RBFOX1: variants seen among roughly 807,000 people sequenced by gnomAD.
RBFOX1 encodes RNA binding protein fox-1 homolog 1.
RBFOX1 carries 8 observed loss-of-function variants against 57.7 expected under a neutral mutation model. The ratio of observed to expected loss-of-function variants is 0.14; its 90% CI spans 0.08 to 0.25. The LOEUF (loss-of-function observed/expected upper bound fraction) is 0.25, where lower values mean the gene tolerates loss of function less well. RBFOX1 is among the 10% of genes least tolerant of loss of function. The pLI, the probability that RBFOX1 is intolerant of heterozygous loss-of-function variation, is 1.00. For missense variants in RBFOX1, 611 were observed against 548.5 expected (o/e 1.11, Z -1.14); for synonymous variants, 326 against 222.4 (o/e 1.47, Z -4.15).
At chr16:6,474,537 T>C (rs1276868198) in intron 2 of RBFOX1, among the ~76,000 whole-genome samples, 1 of 152,200 alleles carries the variant, frequency 6.6e-6, no homozygotes, top group Non-Finnish European at 1.5e-5. Flanking sequence ...TTAAATAAGC[T>C]TAGATTTAAA....
At chr16:6,386,509 T>C (rs1018804738) in intron 2 of RBFOX1, among the ~76,000 whole-genome samples, 1 of 152,154 alleles carries the variant, frequency 6.6e-6, no homozygotes, top group African/African-American at 2.4e-5. Context: ...CCAAACATGA[T>C]TCCTGCACCT....
chr16:7,626,578 G>C (rs1045894889), intron 10 of RBFOX1, among the ~76,000 whole-genome samples: 1 of 152,176 alleles, frequency 6.6e-6, no homozygotes, highest in African/African-American at 2.4e-5. Flanking sequence ...TACAGTCATC[G>C]ACAGTCCAGG....
intron 2 of RBFOX1, among the ~76,000 whole-genome samples, chr16:6,430,124 A>C (rs967364885): frequency 6.8e-6 from 1 of 147,608 alleles, no homozygotes; most frequent in Non-Finnish European, 1.5e-5. Flanking sequence ...GAAAAAAAAA[A>C]AACAGAAAAA....
intron 3 of RBFOX1, among the ~76,000 whole-genome samples, chr16:5,679,492 C>G (rs1386826641): frequency 3.9e-5 from 6 of 152,190 alleles, no homozygotes; most frequent in African/African-American, 1.2e-4. Context: ...TCCTGAGGCT[C>G]TCCCTCCCCT....
chr16:6,019,497 C>A lies in RBFOX1; in HGVS notation c.-622C>A, dbSNP rs948774210. 1 of 1,022,396 alleles carries A rather than the reference C, an allele frequency of 9.8e-7. No individual in the cohort carries two copies. The highest frequency in any genetic ancestry group is 1.2e-6 in the Non-Finnish European group (1 of 854,214). 63.3% of individuals were successfully genotyped at this position (1,022,396 alleles called of 1,614,324 possible). On this transcript the variant is annotated 5_prime_UTR_variant, in exon 1 of 16. Coordinates refer to ENST00000550418, the MANE Select transcript of RBFOX1 (RefSeq NM_018723.4). The surrounding 1 kb of genome is among the most constrained non-coding windows in gnomAD (Gnocchi z 4.2). ...TCCCTCCCCCTCCGCCCCAGCCCCC[C>A]AGCAGCACCCGCGGTGGGGCGGGGG...
intron 4 of RBFOX1, among the ~76,000 whole-genome samples, chr16:7,316,452 G>C (rs2096441082): frequency 6.6e-6 from 1 of 152,156 alleles, no homozygotes; most frequent in African/African-American, 2.4e-5. Context: ...GAAGTCAATG[G>C]TTAATAATTA....
At chr16:6,707,587 C>T (rs1209284320) in intron 3 of RBFOX1, among the ~76,000 whole-genome samples, 4 of 148,138 alleles carry the variant, frequency 2.7e-5, no homozygotes. Context: ...GAAGGATTGA[C>T]AGTCAATGGA....
chr16:6,794,668 C>T (rs1254303372), intron 3 of RBFOX1, among the ~76,000 whole-genome samples: 1 of 152,122 alleles, frequency 6.6e-6, no homozygotes, highest in Non-Finnish European at 1.5e-5. Context: ...TTCCCCCCAT[C>T]ACTTATGGTT....
chr16:5,986,030 T>G (rs554994159), intron 4 of RBFOX1, among the ~76,000 whole-genome samples: 1 of 151,484 alleles, frequency 6.6e-6, no homozygotes, highest in East Asian at 1.9e-4. Flanking sequence ...CCAAAATTCC[T>G]CTTTATTTTC....
At chr16:6,036,967 C>A (rs2095373269) in intron 1 of RBFOX1, among the ~76,000 whole-genome samples, 1 of 152,116 alleles carries the variant, frequency 6.6e-6, no homozygotes. Flanking sequence ...AACCACTTCA[C>A]CTGTTTTAAC....
intron 3 of RBFOX1, among the ~76,000 whole-genome samples, chr16:7,002,913 C>T (rs990134080): frequency 6.6e-6 from 1 of 151,970 alleles, no homozygotes; most frequent in East Asian, 1.9e-4. Context: ...TAACACAAGA[C>T]AGAAACTTAG....
chr16:6,856,850 T>C (rs114006610), intron 3 of RBFOX1, among the ~76,000 whole-genome samples: 4 of 151,930 alleles, frequency 2.6e-5, no homozygotes, highest in Non-Finnish European at 4.4e-5. Flanking sequence ...GATCCCTTAA[T>C]TGTCAATTCA....
Position 6,430,550 on chromosome 16 carries a change from G to C in RBFOX1, c.-64+113493G>C, listed in dbSNP as rs2094050316. ...CATGACGGATGGATGGAATGACACAGGCCAAAGAATGGAGTTAGGAACGAT... is the reference window on the plus strand; with the variant it reads ...CATGACGGATGGATGGAATGACACACGCCAAAGAATGGAGTTAGGAACGAT... On this transcript the variant is annotated intron_variant, in intron 2 of 15. Coordinates refer to ENST00000550418, the MANE Select transcript of RBFOX1 (RefSeq NM_018723.4). Among the ~76,000 whole-genome samples the C allele has an allele frequency of 2.0e-5, 3 of 152,142 alleles. No homozygotes were observed. The South Asian group carries it at 6.2e-4, about 32-fold the overall frequency.
At chr16:5,969,805 C>G (rs2059927957) in intron 4 of RBFOX1, among the ~76,000 whole-genome samples, 1 of 151,938 alleles carries the variant, frequency 6.6e-6, no homozygotes, top group South Asian at 2.1e-4. Context: ...GACTTTGTTT[C>G]ATTTTTTTTT....
intron 4 of RBFOX1, among the ~76,000 whole-genome samples, chr16:7,513,188 C>G (rs113764878): frequency 6.6e-6 from 1 of 151,936 alleles, no homozygotes; most frequent in East Asian, 1.9e-4. Context: ...ACTTGAACCT[C>G]GGAGGCGGAG....
chr16:5,258,638 C>G (rs981668040), intron 1 of RBFOX1, among the ~76,000 whole-genome samples: 6 of 152,196 alleles, frequency 3.9e-5, no homozygotes, highest in African/African-American at 1.4e-4. Context: ...AAGTCTCAGG[C>G]TAGGCGTGGT....
chr16:6,520,080 A>C (rs2096469408), intron 2 of RBFOX1, among the ~76,000 whole-genome samples: 1 of 152,198 alleles, frequency 6.6e-6, no homozygotes, highest in Admixed American at 6.5e-5. Flanking sequence ...TCGTGACCAG[A>C]GACCAGGCAC....
chr16:6,862,216 C>T (rs533286698), intron 3 of RBFOX1, among the ~76,000 whole-genome samples: 1 of 152,170 alleles, frequency 6.6e-6, no homozygotes, highest in Non-Finnish European at 1.5e-5. Flanking sequence ...CTGACCCTTA[C>T]TCTAGAGAGT....
At chr16:6,742,539 A>G (rs1019284849) in intron 3 of RBFOX1, among the ~76,000 whole-genome samples, 1 of 152,186 alleles carries the variant, frequency 6.6e-6, no homozygotes, top group Non-Finnish European at 1.5e-5. Flanking sequence ...ATACACAATT[A>G]TTGTCAGCAG....
Sources: allele counts gnomAD v4.1 joint callset (sites outside exome capture counted in the v4.1 genomes callset), GRCh38; gene constraint gnomAD v4.1.1; non-coding constraint Gnocchi (gnomAD v3.1); transcripts MANE v1.5; gene names NCBI Gene and HGNC (gene_info 2026-07-23, HGNC 2026-07-21).